The following GCNT2 variants were observed in gnomAD, a reference collection of about 807,000 sequenced individuals.
GCNT2 encodes the protein N-acetyllactosaminide beta-1,6-N-acetylglucosaminyl-transferase.
In GCNT2, 34 loss-of-function variants were observed where a neutral mutation model predicts 34.2. The observed-to-expected ratio is 1.00, with a 90% CI of 0.76 to 1.32. The LOEUF (loss-of-function observed/expected upper bound fraction) is 1.32. Among genes scored for constraint, GCNT2 ranks in the 40% most tolerant of loss-of-function variants. GCNT2 has a pLI of 0.00. For missense variants in GCNT2, 584 were observed against 489.4 expected (o/e 1.19, Z -1.82); for synonymous variants, 212 against 188.0 (o/e 1.13, Z -1.04).
In GCNT2 at chr6:10,626,579, C is replaced by G; in HGVS notation, c.1181C>G (p.Thr394Ser). 1 of 1,613,790 alleles carries G rather than the reference C, an allele frequency of 6.2e-7. No individual in the cohort carries two copies. The highest frequency in any genetic ancestry group is 8.5e-7 in the Non-Finnish European group (1 of 1,179,714). Reference protein sequence around the residue: ...HRERTLNQSETAIQPSWYF With the variant: ...HRERTLNQSESAIQPSWYF The stretch of plus-strand genomic sequence containing the variant: ...GAAAGAACCCTCAATCAGAGTGAAA[C>G]TGCGATACAACCCAGCTGGTATTTT... The change falls in exon 5 of 5, where the codon ACT (threonine) becomes AGT (serine). Residue 394 changes from threonine (T) to serine (S), a missense_variant. By Grantham distance (58) the Thr-to-Ser change is moderately conservative. Transcript: ENST00000495262.
chr6:10,587,112 C>T (rs186943716), intron 3 of GCNT2, among the ~76,000 whole-genome samples: 620 of 152,330 alleles, frequency 4.1e-3, no homozygotes, highest in Non-Finnish European at 7.0e-3. Flanking sequence ...GAAATGCTGG[C>T]TGCAGTCGCC....
At chr6:10,557,774 G>A (rs952494236) in intron 3 of GCNT2, among the ~76,000 whole-genome samples, 4 of 152,150 alleles carry the variant, frequency 2.6e-5, no homozygotes, top group African/African-American at 9.7e-5. Flanking sequence ...TTATAGCCAT[G>A]AGCCACCATG....
chr6:10,575,455 G>A (rs1373888448), intron 3 of GCNT2, among the ~76,000 whole-genome samples: 1 of 149,942 alleles, frequency 6.7e-6, no homozygotes, highest in Non-Finnish European at 1.5e-5. Context: ...TCCGACTCTT[G>A]GGTTCAAGAG....
At chr6:10,580,096 C>A (rs1012992513) in intron 3 of GCNT2, among the ~76,000 whole-genome samples, 2 of 152,202 alleles carry the variant, frequency 1.3e-5, no homozygotes, top group Non-Finnish European at 2.9e-5. Context: ...AGGATGTAAG[C>A]TTTGATGCTT....
intron 3 of GCNT2, among the ~76,000 whole-genome samples, chr6:10,536,657 T>C (rs926386650): frequency 7.3e-5 from 11 of 151,524 alleles, no homozygotes; most frequent in African/African-American, 2.7e-4. Context: ...CCCGGTCTCT[T>C]GTCAACTTCT....
chr6:10,567,116 C>G (rs1053353336), intron 3 of GCNT2, among the ~76,000 whole-genome samples: 1 of 152,054 alleles, frequency 6.6e-6, no homozygotes, highest in African/African-American at 2.4e-5. Flanking sequence ...CCCAAGAGTT[C>G]AAGATAAGCC....
intron 3 of GCNT2, among the ~76,000 whole-genome samples, chr6:10,620,305 G>A (rs1033702988): frequency 6.6e-6 from 1 of 152,174 alleles, no homozygotes; most frequent in Non-Finnish European, 1.5e-5. Context: ...TCAAAATTCA[G>A]ATTGCATTAC....
At chr6:10,613,461 T>C (rs1458793809) in intron 3 of GCNT2, among the ~76,000 whole-genome samples, 1 of 152,122 alleles carries the variant, frequency 6.6e-6, no homozygotes, top group East Asian at 1.9e-4. Flanking sequence ...GTCCTACCCA[T>C]ACTCCCCATA....
intron 3 of GCNT2, among the ~76,000 whole-genome samples, chr6:10,597,059 T>G (rs1020740095): frequency 1.3e-5 from 2 of 152,166 alleles, no homozygotes; most frequent in African/African-American, 2.4e-5. Context: ...CTGAACAAGT[T>G]ATTTAACCAA....
intron 3 of GCNT2, among the ~76,000 whole-genome samples, chr6:10,563,777 A>AAAATATATAT (rs1554130891): frequency 4.0e-5 from 1 of 24,712 alleles, no homozygotes; most frequent in African/African-American, 1.3e-4. Context: ...AAAAAAAAAA[A>AAAATATATAT]ATATATATAT....
chr6:10,577,753 C>G (rs1413774278), intron 3 of GCNT2, among the ~76,000 whole-genome samples: 1 of 151,940 alleles, frequency 6.6e-6, no homozygotes, highest in Non-Finnish European at 1.5e-5. Flanking sequence ...GTTGGCCAGG[C>G]TGGTCTTGAA....
chr6:10,586,178 T>C, intron 3 of GCNT2: 1 of 1,614,084 alleles, frequency 6.2e-7, no homozygotes, highest in Non-Finnish European at 8.5e-7. Flanking sequence ...TGTGGGAAAA[T>C]ATATTACCAT....
At chr6:10,624,061 A>T (rs1766158943) in intron 4 of GCNT2, among the ~76,000 whole-genome samples, 1 of 152,046 alleles carries the variant, frequency 6.6e-6, no homozygotes, top group South Asian at 2.1e-4. Flanking sequence ...GAACTCTCTT[A>T]AGACAAACCC....
intron 1 of GCNT2, among the ~76,000 whole-genome samples, chr6:10,522,314 T>C (rs1011727333): frequency 2.0e-5 from 3 of 152,220 alleles, no homozygotes; most frequent in Admixed American, 6.5e-5. Flanking sequence ...TAGATCCATA[T>C]TGCCATTCTA....
chr6:10,622,071 C>T (rs1159465694), intron 4 of GCNT2, among the ~76,000 whole-genome samples: 2 of 152,114 alleles, frequency 1.3e-5, no homozygotes, highest in East Asian at 1.9e-4. Context: ...GGAGAGCTGT[C>T]GGGGTTTGCA....
chr6:10,586,976 G>A (rs1764383302), intron 3 of GCNT2: 1 of 1,118,884 alleles, frequency 8.9e-7, no homozygotes, highest in Non-Finnish European at 1.4e-6. Flanking sequence ...CTCGCCTAGA[G>A]AACTGACTCA....
chr6:10,556,790 T>C (rs1762729597), intron 3 of GCNT2: 2 of 1,614,050 alleles, frequency 1.2e-6, no homozygotes, highest in Admixed American at 1.7e-5. Context: ...AAATATCTAC[T>C]GTGTTCATGT....
At chr6:10,587,325 C>T (rs1440351293) in intron 3 of GCNT2, among the ~76,000 whole-genome samples, 1 of 152,190 alleles carries the variant, frequency 6.6e-6, no homozygotes. Flanking sequence ...TCTCATTGCT[C>T]AAAGTTCATG....
At chr6:10,604,208 A>G (rs1407607659) in intron 3 of GCNT2, among the ~76,000 whole-genome samples, 28 of 151,944 alleles carry the variant, frequency 1.8e-4, no homozygotes, top group Admixed American at 1.8e-3. Context: ...ATGCTTTCTT[A>G]ATGATTGTTA....
Sources: gnomAD v4.1 joint callset for allele counts (sites outside exome capture counted in the v4.1 genomes callset) on GRCh38, gnomAD v4.1.1 for gene constraint, MANE v1.5 for transcripts, NCBI Gene and HGNC (gene_info 2026-07-23, HGNC 2026-07-21) for gene names.